TONSL: variants seen among roughly 807,000 people sequenced by gnomAD.
TONSL encodes tonsoku-like protein.
TONSL carries 112 observed loss-of-function variants against 147.1 expected under a neutral mutation model. The ratio of observed to expected loss-of-function variants is 0.76; its 90% CI spans 0.65 to 0.89. The LOEUF (loss-of-function observed/expected upper bound fraction) is 0.89. Ranked by LOEUF, TONSL falls within the 40% of genes least tolerant of loss-of-function variation. The pLI is 0.00. For synonymous variants in TONSL, 868 were observed against 801.5 expected (o/e 1.08, Z -1.40); for missense variants, 1,883 against 1,864.6 (o/e 1.01, Z -0.18).
At chr8:144,430,278 T>C in intron 25 of TONSL, 126 bp downstream of exon 25, 1 of 1,202,234 alleles carries the variant, frequency 8.3e-7, no homozygotes, top group South Asian at 1.7e-5. Context: ...TGCCCCAGCC[T>C]CATGGAGCCC....
At chr8:144,438,272 G>A (rs188905191) in intron 13 of TONSL, 199 bp downstream of exon 13, 14 of 609,712 alleles carry the variant, frequency 2.3e-5, no homozygotes, top group Admixed American at 2.3e-4. Flanking sequence ...GCATGATCGC[G>A]ACTCCTGCAG....
At chr8:144,441,171 A>G in intron 7 of TONSL, 60 bp from the exon 8 acceptor site, 2 of 1,588,870 alleles carry the variant, frequency 1.3e-6, no homozygotes, top group Non-Finnish European at 1.7e-6. Flanking sequence ...CAGCTCTACC[A>G]CCTGCAAGCT....
chr8:144,436,506 G>T, intron 16 of TONSL, 52 bp downstream of exon 16: 1 of 1,585,958 alleles, frequency 6.3e-7, no homozygotes, highest in Non-Finnish European at 8.6e-7. Flanking sequence ...CAGGGCCCGG[G>T]GACTCTCAGC....
Position 144,428,977 on chromosome 8 carries a change from G to A in TONSL, c.*166C>T. On this transcript the variant is annotated 3_prime_UTR_variant, in exon 26 of 26. Coordinates refer to ENST00000409379, the MANE Select transcript of TONSL (RefSeq NM_013432.5). ...GCTAATTTTTGGTATTTTTAGTAGA[G>A]ACGGGGTTTCACCATGTTAGCCAGG... The A allele has an allele frequency of 1.3e-6, 1 of 754,004 alleles. No homozygotes were observed. 46.7% of individuals were successfully genotyped at this position (754,004 alleles called of 1,614,324 possible).
At chr8:144,431,984 C>T (rs896969035) in intron 23 of TONSL, among the ~76,000 whole-genome samples, 1 of 151,992 alleles carries the variant, frequency 6.6e-6, no homozygotes, top group South Asian at 2.1e-4. Context: ...CCCGCCACCA[C>T]GCCTGGGTAA....
chr8:144,441,733 A>C, intron 7 of TONSL: 1 of 346,256 alleles, frequency 2.9e-6, no homozygotes, highest in Non-Finnish European at 5.4e-6. Flanking sequence ...GGCTAGGGGT[A>C]CAACTACTGT....
Position 144,436,566 on chromosome 8 carries a change from G to A in TONSL, c.2006C>T (p.Ser669Leu), listed in dbSNP as rs748359246. The A allele has an allele frequency of 1.4e-5, 23 of 1,610,280 alleles. No homozygotes were observed. The highest frequency in any genetic ancestry group is 5.5e-5 in the South Asian group (5 of 91,060). Residue 669 changes from serine (S) to leucine (L), a missense_variant, in exon 16 of 26, where the codon TCG (serine) becomes TTG (leucine). Transcript: ENST00000409379. ...AMEMLLQAAA[S>L]GQDPHSSQAF... ...AGGGACGCCCTGCTTGCCTTGGCCC[G>A]AGGCAGCCGCCTGGAGCAGCATCTC...
Position 144,444,199 on chromosome 8 carries a change from C to T in TONSL, c.102G>A (p.Gly34=). 6.9e-7 allele frequency: 1 copy of T among 1,457,544 alleles called. No individual in the cohort carries two copies. Among genetic ancestry groups the T allele is most frequent in the Non-Finnish European group, 9.0e-7 (1 of 1,108,594 alleles). The allele number at this position is 1,457,544 out of a possible 1,614,324, so 90.3% of individuals were successfully genotyped here. A position where few individuals can be genotyped will look rare whatever the true frequency, so the allele number is the denominator to read the frequency against. The part of the protein sequence containing the change: ...REEAALCHQL[G]ELLAGHGRYA... ...GCTCACCATGGCCGGCCAGGAGCTC[C>T]CCCAGCTGGTGGCACAGCGCGGCCT... The change falls in exon 2 of 26, where the codon GGG becomes GGA. Residue 34 remains glycine (G), a synonymous_variant. Coordinates refer to ENST00000409379, the MANE Select transcript of TONSL (RefSeq NM_013432.5).
Position 144,432,361 on chromosome 8 carries a change from T to G in TONSL, c.3659A>C (p.His1220Pro). ...GGCTGCCACGGAGCTGAGCTCTAAG[T>G]GCAGGAGGGTGCCGGCGGGCAGGCT... ...LQSLPAGTLL[H>P]LELSSVAAGK... The change falls in exon 23 of 26, where the codon CAC becomes CCC. Residue 1220 changes from histidine (H) to proline (P), a missense_variant. By Grantham distance (77) the His-to-Pro change is moderately conservative. Coordinates refer to ENST00000409379, the MANE Select transcript of TONSL (RefSeq NM_013432.5). 1 of 1,613,370 alleles carries G rather than the reference T, an allele frequency of 6.2e-7. No individual in the cohort carries two copies. Among genetic ancestry groups the G allele is most frequent in the Non-Finnish European group, 8.5e-7 (1 of 1,179,812 alleles).
intron 13 of TONSL, chr8:144,438,248 G>C: frequency 1.7e-6 from 1 of 593,268 alleles, no homozygotes; most frequent in Non-Finnish European, 3.0e-6. Context: ...TGTTGCCCAG[G>C]CTGGAGTGCA....
At position 144,434,138 on chromosome 8, in the gene TONSL, C is replaced by T. The variant is rs782597482; in HGVS notation, c.3227G>A (p.Arg1076His). ...GTCCCCCAGCCGGTTCCCTGCCAGG[C>T]GCAGCTCCCGGAGTGCTGTGTGCAG... ...LKLHTALREL[R>H]LAGNRLGDKC... The change falls in exon 21 of 26, where the codon CGC becomes CAC. Residue 1076 changes from arginine (R) to histidine (H), a missense_variant. Coordinates refer to ENST00000409379, the MANE Select transcript of TONSL (RefSeq NM_013432.5). The T allele has an allele frequency of 3.7e-6, 6 of 1,611,568 alleles. No homozygotes were observed. Among genetic ancestry groups the T allele is most frequent in the African/African-American group, 2.7e-5 (2 of 74,922 alleles).
In TONSL at chr8:144,443,992, G is replaced by A. The variant is rs1002328711; in HGVS notation, c.154C>T (p.Gln52Ter). 6.5e-7 allele frequency: 1 copy of A among 1,539,576 alleles called. No homozygotes were observed. Among genetic ancestry groups the A allele is most frequent in the Non-Finnish European group, 8.7e-7 (1 of 1,146,550 alleles). Reference protein sequence around the residue: ...RYAEALEQHWQELQLRERADD... With the variant: ...RYAEALEQHW ...GCGCGCTCCCGAAGCTGCAGCTCCT[G>A]CCAGTGCTGCTCCAGAGCCTCGGCG... Residue 52 changes from glutamine (Q) to a stop codon, truncating the protein, a stop_gained, in exon 3 of 26, where the codon CAG becomes TAG. Coordinates refer to ENST00000409379, the MANE Select transcript of TONSL (RefSeq NM_013432.5). LOFTEE classifies it high-confidence loss of function.
intron 23 of TONSL, among the ~76,000 whole-genome samples, chr8:144,431,651 T>C (rs1823198491): frequency 6.6e-6 from 1 of 151,820 alleles, no homozygotes; most frequent in Admixed American, 6.6e-5. Context: ...TAGCTGGGAC[T>C]CCAGGAGCCC....
At chr8:144,432,613 C>A in intron 22 of TONSL, 153 bp from the exon 23 acceptor site, 1 of 708,968 alleles carries the variant, frequency 1.4e-6, no homozygotes, top group South Asian at 2.9e-5. Flanking sequence ...AGGCTCTCGC[C>A]CAGATTCTCC....
intron 23 of TONSL, 130 bp from the exon 24 acceptor site, chr8:144,431,281 G>T: frequency 1.3e-6 from 1 of 749,174 alleles, no homozygotes; most frequent in Non-Finnish European, 2.3e-6. Flanking sequence ...AGATCGGAAG[G>T]AAACACCTCT....
At chr8:144,443,409 A>G in intron 3 of TONSL, 88 bp from the exon 4 acceptor site, 1 of 1,332,042 alleles carries the variant, frequency 7.5e-7, no homozygotes, top group Non-Finnish European at 1.0e-6. Flanking sequence ...TGTTCTTGCT[A>G]AGGAAAGAGC....
rs1823167570 is a variant in TONSL at position 144,431,061 on chromosome 8, C to T, written c.3809+17G>A. 2 of 1,613,904 alleles carry T rather than the reference C, an allele frequency of 1.2e-6. No homozygotes were observed. Among genetic ancestry groups the T allele is most frequent in the Non-Finnish European group, 8.5e-7 (1 of 1,179,826 alleles). On this transcript the variant is annotated intron_variant, in intron 24 of 25. Coordinates refer to ENST00000409379, the MANE Select transcript of TONSL (RefSeq NM_013432.5). The stretch of plus-strand genomic sequence containing the variant: ...ATCAGACCCCCAGGTCAGCAGGCAG[C>T]AGGGAAAGGGCGTTACCTGCACAGG...
rs760476 is a variant in TONSL, at chr8:144,443,144, G to A, written c.442C>T (p.Leu148=). The A allele has an allele frequency of 6.4e-7, 1 of 1,550,392 alleles. No individual in the cohort carries two copies. The highest frequency in any genetic ancestry group is 2.4e-5 in the East Asian group (1 of 40,924). The part of the protein sequence containing the change: ...EKSLAIVDEE[L]EGTLAQGELN... ...CGCGGAGGGGTCTGCCCACCCTCCA[G>A]CTCCTCATCCACAATAGCCAAGCTC... The change falls in exon 4 of 26, where the codon CTG becomes TTG. Residue 148 remains leucine, a synonymous_variant. Transcript: ENST00000409379.
Position 144,436,773 on chromosome 8 carries a change from G to A in TONSL, c.1874C>T (p.Thr625Ile), listed in dbSNP as rs1382207935. The A allele has an allele frequency of 8.1e-6, 13 of 1,611,116 alleles. No homozygotes were observed. The highest frequency in any genetic ancestry group is 3.3e-5 in the South Asian group (3 of 91,040). Residue 625 changes from threonine to isoleucine, a missense_variant, in exon 15 of 26, where the codon ACC becomes ATC. Transcript: ENST00000409379. Reference protein sequence around the residue: ...ELLLERGASVTLRTRKGLSPL... With the variant: ...ELLLERGASVILRTRKGLSPL... ...CAGGCTCACCTTTCGAGTGCGGAGG[G>A]TGACGGACGCCCCCCGTTCAAGCAG...
Sources: allele counts gnomAD v4.1 joint callset (sites outside exome capture counted in the v4.1 genomes callset), GRCh38; gene constraint gnomAD v4.1.1; transcripts MANE v1.5; gene names NCBI Gene and HGNC (gene_info 2026-07-23, HGNC 2026-07-21).